Variants in KLF1 observed in about 807,000 individuals in gnomAD.
The protein encoded by KLF1 is KLF transcription factor 1, also known as Krueppel-like factor 1.
Under a neutral mutation model 28.0 loss-of-function variants are expected in KLF1, and 29 were observed. The ratio of observed to expected loss-of-function variants is 1.04; its 90% CI spans 0.77 to 1.41. KLF1 has a LOEUF of 1.41. Ranked by LOEUF, KLF1 falls within the 40% of genes most tolerant of loss-of-function variation. The pLI, the probability that KLF1 is intolerant of heterozygous loss-of-function variation, is 0.00. For missense variants in KLF1, 508 were observed against 515.1 expected, an observed-to-expected ratio of 0.99 and a Z score of 0.13; for synonymous variants, 262 against 242.6, an observed-to-expected ratio of 1.08 and a Z score of -0.74.
intron 1 of KLF1, 143 bp from the exon 2 acceptor site, chr19:12,886,285 C>A: frequency 3.2e-6 from 2 of 623,712 alleles, no homozygotes; most frequent in Non-Finnish European, 5.5e-6. Flanking sequence ...CCCAACACTG[C>A]CCCTCTAACC....
At position 12,884,953 on chromosome 19, in the gene KLF1, A is replaced by C. The variant is rs1308208061; in HGVS notation, c.1021T>G (p.Cys341Gly). 2 of 1,613,748 alleles carry C rather than the reference A, an allele frequency of 1.2e-6. No homozygotes were observed. Among genetic ancestry groups the C allele is most frequent in the African/African-American group, 2.7e-5 (2 of 74,938 alleles). ...RKHTGQRPFRCQLCPRAFSRS... is the reference protein window; with the variant it reads ...RKHTGQRPFRGQLCPRAFSRS... ...GAAAAAGCACGTGGGCAGAGCTGGCAGCGGAAGGGGCGCTGCCCCGTGTGT... is the reference window on the plus strand; with the variant it reads ...GAAAAAGCACGTGGGCAGAGCTGGCCGCGGAAGGGGCGCTGCCCCGTGTGT... The change falls in exon 3 of 3, where the codon TGC becomes GGC. Residue 341 changes from cysteine to glycine, a missense_variant. Physicochemically the swap from Cys to Gly is radical, Grantham distance 159. Coordinates refer to ENST00000264834, the MANE Select transcript of KLF1 (RefSeq NM_006563.5).
At position 12,886,045 on chromosome 19, in the gene KLF1, TC is replaced by T; in HGVS notation, c.184del (p.Glu62LysfsTer175). The T allele has an allele frequency of 1.2e-6, 2 of 1,610,116 alleles. No individual in the cohort carries two copies. Among genetic ancestry groups the T allele is most frequent in the Non-Finnish European group, 1.7e-6 (2 of 1,179,030 alleles). On this transcript the variant is annotated frameshift_variant, in exon 2 of 3. Transcript: ENST00000264834. LOFTEE classifies it high-confidence loss of function. The part of the protein sequence containing the change: ...HVKSEDQPGE[E>X]EDDERGADAT... ...GTCCGCGCCCCTCTCATCGTCCTCT[TC>T]CTCCCCGGGCTGGTCCTCAGACTTC...
intron 1 of KLF1, among the ~76,000 whole-genome samples, chr19:12,886,638 G>T (rs570964088): frequency 6.8e-6 from 1 of 148,058 alleles, no homozygotes; most frequent in African/African-American, 2.5e-5. Flanking sequence ...TTGAGATAGG[G>T]TCTTACTCTT....
chr19:12,885,707 C>G lies in KLF1; in HGVS notation c.523G>C (p.Ala175Pro), dbSNP rs1311038359. The change falls in exon 2 of 3, where the codon GCC becomes CCC. Residue 175 changes from alanine (A) to proline (P), a missense_variant. Physicochemically the swap from Ala to Pro is conservative, Grantham distance 27 (BLOSUM62 -1). Transcript: ENST00000264834. The surrounding 1 kb of genome is among the most constrained non-coding windows in gnomAD (Gnocchi z 5.6). ...GGGAAGTAGCCACCCGAGGAGCCGG[C>G]GCCGGGCCCCGGGTACACCGGTTGC... is the stretch of plus-strand genomic sequence containing the variant. ...ALQPVYPGPGAGSSGGYFPRT... is the reference protein window; with the variant it reads ...ALQPVYPGPGPGSSGGYFPRT... 2 of 1,523,954 alleles carry G rather than the reference C, an allele frequency of 1.3e-6. No individual in the cohort carries two copies. The highest frequency in any genetic ancestry group is 4.1e-5 in the Admixed American group (2 of 48,686). 94.4% of individuals were successfully genotyped at this position (1,523,954 alleles called of 1,614,324 possible). A position where few individuals can be genotyped will look rare whatever the true frequency, so the allele number is the denominator to read the frequency against.
chr19:12,885,684 G>A lies in KLF1; in HGVS notation c.546C>T (p.Phe182=), dbSNP rs1367632644. 1 of 1,535,238 alleles carries A rather than the reference G, an allele frequency of 6.5e-7. No homozygotes were observed. The highest frequency in any genetic ancestry group is 1.4e-5 in the African/African-American group (1 of 72,654). Residue 182 remains phenylalanine, a synonymous_variant, in exon 2 of 3, where the codon TTC becomes TTT. Transcript: ENST00000264834. This position sits in a 1 kb window ranked among gnomAD's most constrained non-coding sequence, Gnocchi z 5.6. Reference sequence around the variant, plus strand: ...CAGGCACTGAAAGCCCGGTCCGCGGGAAGTAGCCACCCGAGGAGCCGGCGC... The same window carrying A: ...CAGGCACTGAAAGCCCGGTCCGCGGAAAGTAGCCACCCGAGGAGCCGGCGC... The part of the protein sequence containing the change: ...GPGAGSSGGY[F]PRTGLSVPAA...
At position 12,885,587 on chromosome 19, in the gene KLF1, G is replaced by T; in HGVS notation, c.643C>A (p.His215Asn). 6.4e-7 allele frequency: 1 copy of T among 1,558,724 alleles called. No homozygotes were observed. Among genetic ancestry groups the T allele is most frequent in the Non-Finnish European group, 8.7e-7 (1 of 1,151,886 alleles). The change falls in exon 2 of 3, where the codon CAC becomes AAC. Residue 215 changes from histidine to asparagine, a missense_variant. By Grantham distance (68) the His-to-Asn change is moderately conservative. Transcript: ENST00000264834. This position sits in a 1 kb window ranked among gnomAD's most constrained non-coding sequence, Gnocchi z 5.6. ...TGGAGCCCGCGGAAGAGCTGGAAGT[G>T]CCCTTGGTACTGAGGCGCCGGGTAC... ...AMYPAPQYQG[H>N]FQLFRGLQGP...
At chr19:12,886,203 A>G (rs913663325) in intron 1 of KLF1, 61 bp from the exon 2 acceptor site, 4 of 1,293,968 alleles carry the variant, frequency 3.1e-6, no homozygotes, top group Admixed American at 3.9e-5. Flanking sequence ...GCCCAGGGAC[A>G]TCGCGGGCTG....
At position 12,885,803 on chromosome 19, in the gene KLF1, G is replaced by A. The variant is rs576714319; in HGVS notation, c.427C>T (p.Arg143Trp). 6 of 1,545,064 alleles carry A rather than the reference G, an allele frequency of 3.9e-6. No individual in the cohort carries two copies. The South Asian group carries it at 7.2e-5, about 18-fold the overall frequency. Reference protein sequence around the residue: ...SGWVRPALRARAPDAFVGPAL... With the variant: ...SGWVRPALRAWAPDAFVGPAL... Reference sequence around the variant, plus strand: ...GGGCCCACGAAGGCGTCGGGAGCCCGGGCTCGCAGGGCAGGGCGCACCCAA... The same window carrying A: ...GGGCCCACGAAGGCGTCGGGAGCCCAGGCTCGCAGGGCAGGGCGCACCCAA... Residue 143 changes from arginine to tryptophan, a missense_variant, in exon 2 of 3, where the codon CGG becomes TGG. Transcript: ENST00000264834. The surrounding 1 kb of genome is among the most constrained non-coding windows in gnomAD (Gnocchi z 5.6).
chr19:12,886,104 A>G lies in KLF1; in HGVS notation c.126T>C (p.Gly42=). The G allele has an allele frequency of 6.2e-7, 1 of 1,602,526 alleles. No individual in the cohort carries two copies. The highest frequency in any genetic ancestry group is 1.1e-5 in the South Asian group (1 of 90,516). The change falls in exon 2 of 3, where the codon GGT becomes GGC. Residue 42 remains glycine, a synonymous_variant. Coordinates refer to ENST00000264834, the MANE Select transcript of KLF1 (RefSeq NM_006563.5). ...GGGGCGGCTCCGTGGGGTCAGGAGGACCCGGGCCCATGTCCTGCGCCTCTT... is the reference window on the plus strand; with the variant it reads ...GGGGCGGCTCCGTGGGGTCAGGAGGGCCCGGGCCCATGTCCTGCGCCTCTT... ...RSEEAQDMGP[G]PPDPTEPPLH...
At position 12,884,985 on chromosome 19, in the gene KLF1, T is replaced by C. The variant is rs1353430347; in HGVS notation, c.989A>G (p.Tyr330Cys). Reference protein sequence around the residue: ...FARSDELTRHYRKHTGQRPFR... With the variant: ...FARSDELTRHCRKHTGQRPFR... Reference sequence around the variant, plus strand: ...GGGGCGCTGCCCCGTGTGTTTCCGGTAGTGGCGGGTCAGCTCGTCCGAGCG... The same window carrying C: ...GGGGCGCTGCCCCGTGTGTTTCCGGCAGTGGCGGGTCAGCTCGTCCGAGCG... The change falls in exon 3 of 3, where the codon TAC (tyrosine) becomes TGC (cysteine). Residue 330 changes from tyrosine (Y) to cysteine (C), a missense_variant. Coordinates refer to ENST00000264834, the MANE Select transcript of KLF1 (RefSeq NM_006563.5). 60 of 1,611,710 alleles carry C rather than the reference T, an allele frequency of 3.7e-5. No homozygotes were observed. The highest frequency in any genetic ancestry group is 5.1e-5 in the Non-Finnish European group (60 of 1,179,912).
At chr19:12,886,207 C>A (rs965463968) in intron 1 of KLF1, 65 bp from the exon 2 acceptor site, 30 of 1,225,572 alleles carry the variant, frequency 2.4e-5, no homozygotes, top group Non-Finnish European at 2.9e-5. Flanking sequence ...AGGGACATCG[C>A]GGGCTGGACA....
Position 12,887,012 on chromosome 19 carries a change from G to A in KLF1, c.87+42C>T. The A allele has an allele frequency of 6.3e-7, 1 of 1,596,426 alleles. No individual in the cohort carries two copies. Among genetic ancestry groups the A allele is most frequent in the Non-Finnish European group, 8.6e-7 (1 of 1,164,000 alleles). On this transcript the variant is annotated intron_variant, in intron 1 of 2. Transcript: ENST00000264834. The surrounding 1 kb of genome is among the most constrained non-coding windows in gnomAD (Gnocchi z 4.7). Reference sequence around the variant, plus strand: ...CCCAAGATCTGTGACTGTGGCCCTGGATTCCAGCCAGCCCACCTAGACCCC... The same window carrying A: ...CCCAAGATCTGTGACTGTGGCCCTGAATTCCAGCCAGCCCACCTAGACCCC...
In KLF1 at chr19:12,884,841, T is replaced by A. The variant is rs767053649; in HGVS notation, c.*44A>T. The A allele has an allele frequency of 1.9e-6, 3 of 1,606,680 alleles. No homozygotes were observed. In the Admixed American group the frequency reaches 5.0e-5, roughly 27 times the overall value. ...AAGAGACCACCAAACAGGCTTCTTG[T>A]CCCATCCCCAGTCACTAGGAGAGTC... is the stretch of plus-strand genomic sequence containing the variant. On this transcript the variant is annotated 3_prime_UTR_variant, in exon 3 of 3. Coordinates refer to ENST00000264834, the MANE Select transcript of KLF1 (RefSeq NM_006563.5).
rs483352840 is a variant in KLF1 at position 12,885,316 on chromosome 19, C to T, written c.913+1G>A. 6.3e-7 allele frequency: 1 copy of T among 1,579,742 alleles called. No individual in the cohort carries two copies. Among genetic ancestry groups the T allele is most frequent in the African/African-American group, 1.3e-5 (1 of 74,254 alleles). Reference sequence around the variant, plus strand: ...TCATGTCCGGGGCCCCGCCCCCTCACCTGTGTGCGTGCGCAGATGCGCCTT... The same window carrying T: ...TCATGTCCGGGGCCCCGCCCCCTCATCTGTGTGCGTGCGCAGATGCGCCTT... On this transcript the variant is annotated splice_donor_variant, in intron 2 of 2. Coordinates refer to ENST00000264834, the MANE Select transcript of KLF1 (RefSeq NM_006563.5). LOFTEE classifies it high-confidence loss of function. The surrounding 1 kb of genome is among the most constrained non-coding windows in gnomAD (Gnocchi z 5.6).
Position 12,885,878 on chromosome 19 carries a change from C to G in KLF1, c.352G>C (p.Gly118Arg). 6.4e-7 allele frequency: 1 copy of G among 1,552,314 alleles called. No individual in the cohort carries two copies. Among genetic ancestry groups the G allele is most frequent in the Non-Finnish European group, 8.7e-7 (1 of 1,148,052 alleles). ...PPPETLGAYA[G>R]GPGLVAGLLG... Reference sequence around the variant, plus strand: ...AGCCCAGCCACCAGCCCCGGGCCGCCAGCATATGCGCCCAGAGTCTCGGGC... The same window carrying G: ...AGCCCAGCCACCAGCCCCGGGCCGCGAGCATATGCGCCCAGAGTCTCGGGC... Residue 118 changes from glycine to arginine, a missense_variant, in exon 2 of 3, where the codon GGC becomes CGC. Gly to Arg is a moderately radical substitution (Grantham distance 125). Transcript: ENST00000264834. The surrounding 1 kb of genome is among the most constrained non-coding windows in gnomAD (Gnocchi z 5.6).
Position 12,886,085 on chromosome 19 carries a change from G to T in KLF1, c.145C>A (p.Pro49Thr). ...MGPGPPDPTE[P>T]PLHVKSEDQP... ...TCCTCAGACTTCACGTGGAGGGGCG[G>T]CTCCGTGGGGTCAGGAGGACCCGGG... Residue 49 changes from proline to threonine, a missense_variant, in exon 2 of 3, where the codon CCG becomes ACG. Pro to Thr is a conservative substitution (Grantham distance 38). Coordinates refer to ENST00000264834, the MANE Select transcript of KLF1 (RefSeq NM_006563.5). 1 of 1,608,250 alleles carries T rather than the reference G, an allele frequency of 6.2e-7. No individual in the cohort carries two copies.
Position 12,885,064 on chromosome 19 carries a change from G to T in KLF1, c.914-4C>A. On this transcript the variant is annotated splice_polypyrimidine_tract_variant and splice_region_variant and intron_variant, in intron 2 of 2. Coordinates refer to ENST00000264834, the MANE Select transcript of KLF1 (RefSeq NM_006563.5). This position sits in a 1 kb window ranked among gnomAD's most constrained non-coding sequence, Gnocchi z 5.6. ...GTGCAGGCGTATGGCTTCTCCCCTA[G>T]GGGACAAGGAAGCCATAAGCGCCAC... 6.2e-7 allele frequency: 1 copy of T among 1,603,524 alleles called. No individual in the cohort carries two copies.
chr19:12,885,497 C>G lies in KLF1; in HGVS notation c.733G>C (p.Gly245Arg). The change falls in exon 2 of 3, where the codon GGC (glycine) becomes CGC (arginine). Residue 245 changes from glycine (G) to arginine (R), a missense_variant. Physicochemically the swap from Gly to Arg is moderately radical, Grantham distance 125 (BLOSUM62 -2). Coordinates refer to ENST00000264834, the MANE Select transcript of KLF1 (RefSeq NM_006563.5). This position sits in a 1 kb window ranked among gnomAD's most constrained non-coding sequence, Gnocchi z 5.6. ...TCTGCAGTCCCCCCGAGTCCAGTGC[C>G]CACCGTCCCGGGTCCCAAACAACTC... ...FLSCLGPGTVGTGLGGTAEDP... is the reference protein window; with the variant it reads ...FLSCLGPGTVRTGLGGTAEDP... The G allele has an allele frequency of 6.3e-7, 1 of 1,599,248 alleles. No individual in the cohort carries two copies. The highest frequency in any genetic ancestry group is 8.5e-7 in the Non-Finnish European group (1 of 1,173,714).
At chr19:12,886,293 A>C in intron 1 of KLF1, 151 bp from the exon 2 acceptor site, 6 of 599,986 alleles carry the variant, frequency 1.0e-5, no homozygotes, top group Admixed American at 6.0e-5. Context: ...TGCCCCTCTA[A>C]CCGCCCCTCT....
Sources: allele counts gnomAD v4.1 joint callset (sites outside exome capture counted in the v4.1 genomes callset), GRCh38; gene constraint gnomAD v4.1.1; non-coding constraint Gnocchi (gnomAD v3.1); transcripts MANE v1.5; gene names NCBI Gene and HGNC (gene_info 2026-07-23, HGNC 2026-07-21).